RALGPS1: variants seen among roughly 807,000 people sequenced by gnomAD.
RALGPS1 encodes ras-specific guanine nucleotide-releasing factor RalGPS1.
RALGPS1 carries 19 observed loss-of-function variants against 78.8 expected under a neutral mutation model. The observed-to-expected ratio is 0.24, with a 90% CI of 0.17 to 0.35. The LOEUF (loss-of-function observed/expected upper bound fraction) is 0.35. Ranked by LOEUF, RALGPS1 falls within the 10% of genes least tolerant of loss-of-function variation. RALGPS1 has a pLI of 1.00. For missense variants in RALGPS1, 454 were observed against 688.3 expected (o/e 0.66, Z 3.81); for synonymous variants, 228 against 256.3 (o/e 0.89, Z 1.06).
In RALGPS1 at chr9:126,976,475, T is replaced by C. The variant is rs569450314; in HGVS notation, c.166-1220T>C. On this transcript the variant is annotated intron_variant, in intron 3 of 18. Coordinates refer to ENST00000259351, the MANE Select transcript of RALGPS1 (RefSeq NM_014636.3). ...ACACATAAACACACTGTCTTATGTG[T>C]TTATTGAGCATCTGTCAGGTGCCAG... 5.3e-5 allele frequency among the ~76,000 whole-genome samples: 8 copies of C among 152,124 alleles called. No individual in the cohort carries two copies. In the South Asian group the frequency reaches 1.5e-3, roughly 28 times the overall value.
rs868849080 is a variant in RALGPS1, at chr9:126,964,108, A to G, written c.58-1736A>G. On this transcript the variant is annotated intron_variant, in intron 2 of 18. Transcript: ENST00000259351. ...TGTGGTGGCTCATGCTTGTAATCCC[A>G]GCACTTTGGGAGGCTGAGGTGGGTG... Among the ~76,000 whole-genome samples, 21 of 152,148 alleles carry G rather than the reference A, an allele frequency of 1.4e-4. No homozygotes were observed. In the South Asian group the frequency reaches 1.7e-3, roughly 12 times the overall value.
intron 11 of RALGPS1, among the ~76,000 whole-genome samples, chr9:127,192,287 A>G (rs765998874): frequency 3.3e-5 from 5 of 152,208 alleles, no homozygotes; most frequent in Non-Finnish European, 7.3e-5. Context: ...AGGAGAGAAG[A>G]GGCAAGTTGC....
At chr9:126,982,829 C>CTCTTCTTCTTCTTCCTCT (rs3052977) in intron 4 of RALGPS1, among the ~76,000 whole-genome samples, 1 of 144,420 alleles carries the variant, frequency 6.9e-6, no homozygotes. Flanking sequence ...CTTCTTCTTC[C>CTCTTCTTCTTCTTCCTCT]TCTTCTTCTT....
At chr9:127,012,601 G>A (rs540871950) in intron 4 of RALGPS1, among the ~76,000 whole-genome samples, 54 of 152,334 alleles carry the variant, frequency 3.5e-4, no homozygotes, top group African/African-American at 1.1e-3. Context: ...GTCAGGACGG[G>A]CTGAGCTGTC....
intron 8 of RALGPS1, among the ~76,000 whole-genome samples, chr9:127,076,972 A>G (rs2050735647): frequency 6.6e-6 from 1 of 152,210 alleles, no homozygotes; most frequent in Admixed American, 6.5e-5. Context: ...TGTTTGTTAG[A>G]AAAACTGGCC....
At position 126,933,624 on chromosome 9, in the gene RALGPS1, C is replaced by T. The variant is rs1034346666; in HGVS notation, c.-66+18649C>T. 3.3e-5 allele frequency among the ~76,000 whole-genome samples: 5 copies of T among 152,120 alleles called. 1 individual carries two copies. Among genetic ancestry groups the T allele is most frequent in the Admixed American group, 3.3e-4 (5 of 15,292 alleles). ...GGGGAAGGCCAGGTTAGAGGAGGGT[C>T]GGGAGGGAGCAGAAGTCACCTTCTC... On this transcript the variant is annotated intron_variant, in intron 1 of 18. Coordinates refer to ENST00000259351, the MANE Select transcript of RALGPS1 (RefSeq NM_014636.3).
intron 8 of RALGPS1, among the ~76,000 whole-genome samples, chr9:127,080,736 C>T (rs1286821413): frequency 6.6e-6 from 1 of 152,100 alleles, no homozygotes; most frequent in Non-Finnish European, 1.5e-5. Context: ...CTAGTTTTTC[C>T]CTTTTACATA....
At chr9:127,041,923 A>G (rs1276871597) in intron 5 of RALGPS1, among the ~76,000 whole-genome samples, 1 of 152,228 alleles carries the variant, frequency 6.6e-6, no homozygotes, top group African/African-American at 2.4e-5. Context: ...GGCAGAGACC[A>G]GACAAGGGCT....
At chr9:126,976,987 G>A (rs551687797) in intron 3 of RALGPS1, among the ~76,000 whole-genome samples, 7 of 152,286 alleles carry the variant, frequency 4.6e-5, no homozygotes, top group African/African-American at 1.4e-4. Context: ...ATCTTAAGCC[G>A]GCTGTGGTGA....
intron 5 of RALGPS1, among the ~76,000 whole-genome samples, chr9:127,042,634 G>A (rs57394767): frequency 0.37 from 56,419 of 152,036 alleles, 12,245 homozygotes; most frequent in Non-Finnish European, 0.48. Context: ...TCTCTTATCC[G>A]TTCTGTACAA....
At chr9:127,142,789 C>T (rs1037926683) in intron 8 of RALGPS1, among the ~76,000 whole-genome samples, 1 of 152,174 alleles carries the variant, frequency 6.6e-6, no homozygotes, top group African/African-American at 2.4e-5. Context: ...ACATTATACA[C>T]AAATGTATAC....
At chr9:126,919,796 T>G (rs904121373) in intron 1 of RALGPS1, among the ~76,000 whole-genome samples, 1 of 152,144 alleles carries the variant, frequency 6.6e-6, no homozygotes, top group Admixed American at 6.6e-5. Flanking sequence ...GTCCTTGCCT[T>G]TGAGGTGCTC....
At chr9:127,155,076 C>A (rs2058637932) in intron 8 of RALGPS1, among the ~76,000 whole-genome samples, 1 of 152,168 alleles carries the variant, frequency 6.6e-6, no homozygotes, top group Non-Finnish European at 1.5e-5. Flanking sequence ...ATTTAGCTTG[C>A]GGATACCACA....
intron 14 of RALGPS1, among the ~76,000 whole-genome samples, chr9:127,200,099 C>T (rs1422113515): frequency 1.3e-5 from 2 of 152,152 alleles, no homozygotes; most frequent in African/African-American, 2.4e-5. Flanking sequence ...CGTACATATG[C>T]ATGCATGCAT....
chr9:127,119,196 A>AG (rs1363483600), intron 8 of RALGPS1, among the ~76,000 whole-genome samples: 1 of 152,206 alleles, frequency 6.6e-6, no homozygotes, highest in Non-Finnish European at 1.5e-5. Flanking sequence ...ACCACATAAC[A>AG]GGTACCCTCA....
At chr9:126,956,238 T>C (rs2038320892) in intron 1 of RALGPS1, among the ~76,000 whole-genome samples, 1 of 144,436 alleles carries the variant, frequency 6.9e-6, no homozygotes, top group Non-Finnish European at 1.5e-5. Context: ...GTAGGGAAGC[T>C]GTTCTCAGGG....
chr9:127,184,189 GT>G, intron 11 of RALGPS1: 1 of 787,720 alleles, frequency 1.3e-6, no homozygotes, highest in Non-Finnish European at 2.0e-6. Context: ...TCTGGGCATG[GT>G]GGTGCGTGCC....
intron 11 of RALGPS1, among the ~76,000 whole-genome samples, chr9:127,191,949 G>A (rs534964028): frequency 5.3e-5 from 8 of 152,188 alleles, no homozygotes; most frequent in South Asian, 4.2e-4. Flanking sequence ...TGCCCGCCTC[G>A]GCCTCTCAAA....
At chr9:127,110,486 C>T (rs1340831996) in intron 8 of RALGPS1, among the ~76,000 whole-genome samples, 1 of 152,200 alleles carries the variant, frequency 6.6e-6, no homozygotes, top group Non-Finnish European at 1.5e-5. Flanking sequence ...ATCCAGAGGT[C>T]ACGTTGGTGA....
Sources: allele counts gnomAD v4.1 joint callset (sites outside exome capture counted in the v4.1 genomes callset), GRCh38; gene constraint gnomAD v4.1.1; transcripts MANE v1.5; gene names NCBI Gene and HGNC (gene_info 2026-07-23, HGNC 2026-07-21).